Variants in NAE1 observed in about 807,000 individuals in gnomAD.
NAE1 encodes NEDD8-activating enzyme E1 regulatory subunit.
NAE1 carries 59 observed loss-of-function variants against 88.0 expected under a neutral mutation model. That is an observed-to-expected ratio of 0.67 (90% CI 0.54 to 0.83). The LOEUF is 0.83. Among genes scored for constraint, NAE1 ranks in the 40% least tolerant of loss-of-function variants. NAE1 has a pLI of 0.00. For synonymous variants in NAE1, 186 were observed against 208.9 expected, an observed-to-expected ratio of 0.89 and a Z score of 0.95; for missense variants, 554 against 632.8, an observed-to-expected ratio of 0.88 and a Z score of 1.34.
intron 17 of NAE1, among the ~76,000 whole-genome samples, chr16:66,806,810 T>A (rs912193517): frequency 2.6e-5 from 4 of 152,200 alleles, no homozygotes; most frequent in African/African-American, 4.8e-5. Flanking sequence ...AACAGTCCTA[T>A]GAAGTATGTA....
intron 1 of NAE1, among the ~76,000 whole-genome samples, chr16:66,830,646 G>C (rs1401273217): frequency 6.6e-6 from 1 of 152,222 alleles, no homozygotes; most frequent in African/African-American, 2.4e-5. Flanking sequence ...CCGCGTGGCG[G>C]GGGAAGGGGT....
Position 66,809,037 on chromosome 16 carries a change from A to T in NAE1, c.1189T>A (p.Ser397Thr). 6.2e-7 allele frequency: 1 copy of T among 1,612,910 alleles called. No homozygotes were observed. Among genetic ancestry groups the T allele is most frequent in the South Asian group, 1.1e-5 (1 of 90,954 alleles). The part of the protein sequence containing the change: ...SAFLRVVRCR[S>T]LAEEYGLDTI... ...TCCAAACCATATTCTTCAGCTAAGGATCGACATCTTACCACTCGAAGAAAT... is the reference window on the plus strand; with the variant it reads ...TCCAAACCATATTCTTCAGCTAAGGTTCGACATCTTACCACTCGAAGAAAT... Residue 397 changes from serine (S) to threonine (T), a missense_variant, in exon 16 of 20, where the codon TCC (serine) becomes ACC (threonine). Coordinates refer to ENST00000290810, the MANE Select transcript of NAE1 (RefSeq NM_003905.4).
chr16:66,808,277 A>AAAAGTTTTCTTCT (rs1158995935), intron 17 of NAE1, among the ~76,000 whole-genome samples: 2 of 152,342 alleles, frequency 1.3e-5, no homozygotes, highest in African/African-American at 4.8e-5. Context: ...AAATGACAGA[A>AAAAGTTTTCTTCT]AAAAGTTTTC....
chr16:66,830,971 C>A lies in NAE1; in HGVS notation c.-72G>T. On this transcript the variant is annotated 5_prime_UTR_variant, in exon 1 of 20. Coordinates refer to ENST00000290810, the MANE Select transcript of NAE1 (RefSeq NM_003905.4). Reference sequence around the variant, plus strand: ...GCCACCAGCTCCACAAGCGCGCAGGCGCACTGAGCGCCCCTTCGCCGCTAC... The same window carrying A: ...GCCACCAGCTCCACAAGCGCGCAGGAGCACTGAGCGCCCCTTCGCCGCTAC... 4 of 1,367,342 alleles carry A rather than the reference C, an allele frequency of 2.9e-6. No individual in the cohort carries two copies. The highest frequency in any genetic ancestry group is 1.5e-5 in the African/African-American group (1 of 65,444). 84.7% of individuals were successfully genotyped at this position (1,367,342 alleles called of 1,614,324 possible).
Position 66,810,764 on chromosome 16 carries a change from T to C in NAE1, c.1043A>G (p.Glu348Gly). 1 of 1,613,962 alleles carries C rather than the reference T, an allele frequency of 6.2e-7. No individual in the cohort carries two copies. Among genetic ancestry groups the C allele is most frequent in the Non-Finnish European group, 8.5e-7 (1 of 1,179,978 alleles). ...KYIKLQNVYREKAKKDAAAVG... is the reference protein window; with the variant it reads ...KYIKLQNVYRGKAKKDAAAVG... Reference sequence around the variant, plus strand: ...AGCGGCAGCATCTTTCTTTGCTTTTTCACGGTAACTAAAAAAGAATAAAAA... The same window carrying C: ...AGCGGCAGCATCTTTCTTTGCTTTTCCACGGTAACTAAAAAAGAATAAAAA... Residue 348 changes from glutamate (E) to glycine (G), a missense_variant, in exon 14 of 20, where the codon GAA becomes GGA. By Grantham distance (98) the Glu-to-Gly change is moderately conservative. Coordinates refer to ENST00000290810, the MANE Select transcript of NAE1 (RefSeq NM_003905.4).
At chr16:66,826,933 T>C (rs1960485485) in intron 1 of NAE1, among the ~76,000 whole-genome samples, 153 bp from the exon 2 acceptor site, 1 of 152,178 alleles carries the variant, frequency 6.6e-6, no homozygotes, top group Non-Finnish European at 1.5e-5. Context: ...ATAGTGATTA[T>C]ACAGTAATCT....
chr16:66,814,692 C>T (rs1320339284), intron 11 of NAE1, among the ~76,000 whole-genome samples: 9 of 152,082 alleles, frequency 5.9e-5, no homozygotes, highest in African/African-American at 2.2e-4. Context: ...GACCTCCTAA[C>T]TGCTCTCTCT....
intron 11 of NAE1, 83 bp downstream of exon 11, chr16:66,816,498 A>G: frequency 1.0e-6 from 1 of 1,001,812 alleles, no homozygotes; most frequent in African/African-American, 1.6e-5. Flanking sequence ...TATTAACTTA[A>G]ATCATTATAG....
chr16:66,808,451 G>A lies in NAE1; in HGVS notation c.1330+70C>T, dbSNP rs1376777790. ...CAAGCAACACTATTATAAATACCCT[G>A]AGAACACTTTCAATTTAAATGTTTT... is the stretch of plus-strand genomic sequence containing the variant. On this transcript the variant is annotated intron_variant, in intron 17 of 19. Transcript: ENST00000290810. 27 of 1,073,194 alleles carry A rather than the reference G, an allele frequency of 2.5e-5. No individual in the cohort carries two copies. The Admixed American group carries it at 5.0e-4, about 20-fold the overall frequency. 66.5% of individuals were successfully genotyped at this position (1,073,194 alleles called of 1,614,324 possible). A position where few individuals can be genotyped will look rare whatever the true frequency, so the allele number is the denominator to read the frequency against.
At chr16:66,821,616 T>C in intron 6 of NAE1, 57 bp from the exon 7 acceptor site, 7 of 1,391,438 alleles carry the variant, frequency 5.0e-6, no homozygotes, top group East Asian at 2.4e-5. Flanking sequence ...ATGCCAAACA[T>C]GAAAACATGC....
rs1000403264 is a variant in NAE1, at chr16:66,805,648, AAAAG to A, written c.1495+125_1495+128del. 1.3e-5 allele frequency: 11 copies of A among 837,810 alleles called. No homozygotes were observed. In the South Asian group the frequency reaches 3.1e-4, roughly 24 times the overall value. 51.9% of individuals were successfully genotyped at this position (837,810 alleles called of 1,614,324 possible). ...GTGAGACTGCGTCTCAAAAAAAAAA[AAAAG>A]AAAGAAATATAACATCCTGCTTCAC... On this transcript the variant is annotated intron_variant, in intron 19 of 19. Transcript: ENST00000290810.
At position 66,826,543 on chromosome 16, in the gene NAE1, G is replaced by A. The variant is rs781117811; in HGVS notation, c.198C>T (p.Ser66=). ...CATACTTGTTTCCAGCATCTTCTCC[G>A]CTGACCTGATTTCCATCAATAATTG... ...SFTIIDGNQV[S]GEDAGNNFFL... is the part of the protein sequence containing the mutation. Residue 66 remains serine (S), a synonymous_variant, in exon 3 of 20, where the codon AGC becomes AGT. Coordinates refer to ENST00000290810, the MANE Select transcript of NAE1 (RefSeq NM_003905.4). 287 of 1,614,048 alleles carry A rather than the reference G, an allele frequency of 1.8e-4. 3 individuals carry two copies. In the South Asian group the frequency reaches 2.0e-3, roughly 11 times the overall value.
chr16:66,813,490 G>T, intron 13 of NAE1, 74 bp downstream of exon 13: 1 of 1,479,380 alleles, frequency 6.8e-7, no homozygotes, highest in South Asian at 1.3e-5. Context: ...TTTGATTTCT[G>T]ACAGGATGAT....
chr16:66,817,323 C>T (rs796798749), intron 9 of NAE1, 102 bp downstream of exon 9: 1 of 1,030,860 alleles, frequency 9.7e-7, no homozygotes, highest in Non-Finnish European at 1.5e-6. Context: ...CATACAACTC[C>T]ATAAGGAAAA....
intron 5 of NAE1, 30 bp from the exon 6 acceptor site, chr16:66,823,336 CA>C (rs746133323): frequency 2.5e-5 from 38 of 1,513,392 alleles, no homozygotes; most frequent in South Asian, 7.5e-5. Flanking sequence ...AAAAAACAAA[CA>C]AAAAAAACCA....
chr16:66,821,831 C>G (rs1960274227), intron 6 of NAE1, among the ~76,000 whole-genome samples: 1 of 152,176 alleles, frequency 6.6e-6, no homozygotes, highest in South Asian at 2.1e-4. Flanking sequence ...AAAGATAATT[C>G]TAAACATTTC....
At chr16:66,829,644 G>A (rs529351388) in intron 1 of NAE1, among the ~76,000 whole-genome samples, 1 of 152,202 alleles carries the variant, frequency 6.6e-6, no homozygotes, top group African/African-American at 2.4e-5. Context: ...CCAGGAAGGA[G>A]GAAAGCTGAG....
intron 3 of NAE1, chr16:66,826,027 T>G (rs1286288437): frequency 6.4e-6 from 1 of 156,762 alleles, no homozygotes; most frequent in Non-Finnish European, 1.4e-5. Context: ...CAATGAGAGA[T>G]ACCAGACTTC....
chr16:66,827,960 ACAGG>A lies in NAE1; in HGVS notation c.54-1184_54-1181del, dbSNP rs758763646. The A allele has an allele frequency of 2.5e-6, 4 of 1,602,990 alleles. No individual in the cohort carries two copies. In the East Asian group the frequency reaches 8.9e-5, roughly 36 times the overall value. On this transcript the variant is annotated intron_variant, in intron 1 of 19. Transcript: ENST00000290810. ...CTCAGCCTCTAGAGTTGCTGGGACTACAGGCACAAGCCACTGTACCTGGCTTCAT... is the reference window on the plus strand; with the variant it reads ...CTCAGCCTCTAGAGTTGCTGGGACTACACAAGCCACTGTACCTGGCTTCAT...
Sources: gnomAD v4.1 joint callset for allele counts (sites outside exome capture counted in the v4.1 genomes callset) on GRCh38, gnomAD v4.1.1 for gene constraint, MANE v1.5 for transcripts, NCBI Gene and HGNC (gene_info 2026-07-23, HGNC 2026-07-21) for gene names.